The following GYPB variants were observed in gnomAD, a reference collection of about 807,000 sequenced individuals.
The protein encoded by GYPB is glycophorin B (MNS blood group), also known as glycophorin-B.
A neutral mutation model predicts 15.3 loss-of-function variants in GYPB; 13 were observed. That is an observed-to-expected ratio of 0.85 (90% CI 0.55 to 1.35). The LOEUF is 1.35. Ranked by LOEUF, GYPB falls within the 40% of genes most tolerant of loss-of-function variation. The pLI is 0.00. For missense variants in GYPB, 131 were observed against 108.3 expected (o/e 1.21, Z -0.93); for synonymous variants, 38 against 36.9 (o/e 1.03, Z -0.11).
At position 144,007,459 on chromosome 4, in the gene GYPB, T is replaced by G. The variant is rs567603009; in HGVS notation, c.38-6176A>C. ...CGAAGGTGTTGTGGCCTAGGAGGAC[T>G]GCAGCTTCCCTTCAGGAAGCCTGAA... is the stretch of plus-strand genomic sequence containing the variant. On this transcript the variant is annotated intron_variant, in intron 1 of 4. Coordinates refer to ENST00000502664, the MANE Select transcript of GYPB (RefSeq NM_002100.6). Among the ~76,000 whole-genome samples the G allele has an allele frequency of 8.3e-3, 1,254 of 150,500 alleles. 21 individuals are homozygous for G. The highest frequency in any genetic ancestry group is 0.03 in the African/African-American group (1,189 of 39,954).
At chr4:144,005,826 C>A (rs1282050423) in intron 1 of GYPB, among the ~76,000 whole-genome samples, 2 of 151,592 alleles carry the variant, frequency 1.3e-5, no homozygotes, top group Non-Finnish European at 2.9e-5. Flanking sequence ...TGCCTACTTG[C>A]AAATGTATCA....
chr4:144,001,969 A>AG (rs1491204665), intron 1 of GYPB, among the ~76,000 whole-genome samples: 1 of 17,718 alleles, frequency 5.6e-5, no homozygotes, highest in Non-Finnish European at 4.2e-4. Context: ...ATTCCGTTTC[A>AG]AAAAAAAAAA....
intron 3 of GYPB, among the ~76,000 whole-genome samples, chr4:143,998,288 C>A (rs1165097528): frequency 2.0e-5 from 3 of 151,336 alleles, no homozygotes; most frequent in East Asian, 3.9e-4. Context: ...CAATTGAAAT[C>A]AATTAAGTAA....
intron 1 of GYPB, among the ~76,000 whole-genome samples, chr4:144,010,173 T>G (rs542541974): frequency 6.6e-6 from 1 of 151,360 alleles, no homozygotes; most frequent in African/African-American, 2.5e-5. Flanking sequence ...ACTAAAAAAT[T>G]AAGTTGTAGT....
intron 3 of GYPB, 49 bp from the exon 4 acceptor site, chr4:143,997,683 G>C (rs775268577): frequency 1.1e-6 from 1 of 931,000 alleles, no homozygotes; most frequent in Non-Finnish European, 1.8e-6. Flanking sequence ...TGACCACATA[G>C]CAATAGAAAA....
intron 1 of GYPB, among the ~76,000 whole-genome samples, chr4:144,015,345 C>G (rs962178920): frequency 6.6e-6 from 1 of 151,008 alleles, no homozygotes; most frequent in Non-Finnish European, 1.5e-5. Flanking sequence ...CAGATAGGTA[C>G]TTACTAAAGA....
At chr4:144,012,995 C>A (rs1728296082) in intron 1 of GYPB, among the ~76,000 whole-genome samples, 1 of 151,464 alleles carries the variant, frequency 6.6e-6, no homozygotes, top group South Asian at 2.1e-4. Flanking sequence ...AGGACACTAT[C>A]AAAAGTAAAA....
chr4:144,005,846 C>A (rs1727883224), intron 1 of GYPB, among the ~76,000 whole-genome samples: 1 of 151,406 alleles, frequency 6.6e-6, no homozygotes, highest in Non-Finnish European at 1.5e-5. Flanking sequence ...ACTGGATGAA[C>A]CCTGAAGGAT....
intron 1 of GYPB, among the ~76,000 whole-genome samples, chr4:144,004,148 G>T (rs182843268): frequency 0.012 from 1,864 of 151,872 alleles, 129 homozygotes; most frequent in African/African-American, 0.043. Flanking sequence ...TAATTCACCA[G>T]AATCAGTTGC....
chr4:144,006,407 G>T (rs2149962653), intron 1 of GYPB, among the ~76,000 whole-genome samples: 1 of 152,074 alleles, frequency 6.6e-6, no homozygotes, highest in East Asian at 1.9e-4. Context: ...GGGGGCCCAA[G>T]ACATGTTAGG....
At position 143,997,535 on chromosome 4, in the gene GYPB, C is replaced by T. The variant is rs139511876; in HGVS notation, c.270+5G>A. 8.4e-5 allele frequency: 129 copies of T among 1,529,062 alleles called. No homozygotes were observed. The highest frequency in any genetic ancestry group is 2.0e-4 in the Admixed American group (12 of 59,820). 94.7% of individuals were successfully genotyped at this position (1,529,062 alleles called of 1,614,324 possible). A position where few individuals can be genotyped will look rare whatever the true frequency, so the allele number is the denominator to read the frequency against. ...TTAGAGCAAAATTAAAAACTGAATTCTCACCTTTATCAGTCGGCGAATACT... is the reference window on the plus strand; with the variant it reads ...TTAGAGCAAAATTAAAAACTGAATTTTCACCTTTATCAGTCGGCGAATACT... On this transcript the variant is annotated splice_donor_5th_base_variant and intron_variant, in intron 4 of 4. Transcript: ENST00000502664.
intron 1 of GYPB, among the ~76,000 whole-genome samples, chr4:144,014,560 T>A (rs1259596351): frequency 3.3e-5 from 5 of 151,434 alleles, no homozygotes; most frequent in Admixed American, 3.3e-4. Flanking sequence ...ATTCCATTTA[T>A]ATGAAATATC....
intron 1 of GYPB, among the ~76,000 whole-genome samples, chr4:144,001,770 T>G (rs1471956331): frequency 7.3e-5 from 11 of 150,952 alleles, no homozygotes; most frequent in African/African-American, 1.7e-4. Flanking sequence ...AGGTGGAAGC[T>G]CATAATAATT....
At chr4:143,995,759 A>G (rs927128335), downstream of GYPB, among the ~76,000 whole-genome samples, 4 of 151,380 alleles carry the variant, frequency 2.6e-5, no homozygotes, top group Admixed American at 6.6e-5. Flanking sequence ...CCTATCAAAA[A>G]TCTGGTTTTT....
At chr4:144,009,088 T>G (rs1182595947) in intron 1 of GYPB, among the ~76,000 whole-genome samples, 1 of 151,438 alleles carries the variant, frequency 6.6e-6, no homozygotes, top group Non-Finnish European at 1.5e-5. Flanking sequence ...TTTCCCTCAC[T>G]TCCAGTCTCC....
chr4:144,015,337 G>T (rs781653703), intron 1 of GYPB, among the ~76,000 whole-genome samples: 10 of 151,274 alleles, frequency 6.6e-5, no homozygotes, highest in Non-Finnish European at 1.5e-4. Context: ...AAACTACACA[G>T]ATAGGTACTT....
intron 1 of GYPB, among the ~76,000 whole-genome samples, chr4:144,005,409 A>G (rs1579056872): frequency 6.6e-6 from 1 of 151,974 alleles, no homozygotes; most frequent in Non-Finnish European, 1.5e-5. Flanking sequence ...AAGGACAACT[A>G]AATTCCTGAG....
intron 1 of GYPB, among the ~76,000 whole-genome samples, chr4:144,018,764 T>C (rs1042067137): frequency 1.3e-5 from 2 of 151,100 alleles, no homozygotes; most frequent in African/African-American, 4.9e-5. Context: ...ACTTTAGTAA[T>C]GGACCCACAG....
chr4:144,015,710 G>T (rs1333917783), intron 1 of GYPB, among the ~76,000 whole-genome samples: 1 of 151,176 alleles, frequency 6.6e-6, no homozygotes, highest in Non-Finnish European at 1.5e-5. Flanking sequence ...TTCACAGTGG[G>T]TGTCTGTTTC....
Sources: allele counts gnomAD v4.1 joint callset (sites outside exome capture counted in the v4.1 genomes callset), GRCh38; gene constraint gnomAD v4.1.1; transcripts MANE v1.5; gene names NCBI Gene and HGNC (gene_info 2026-07-23, HGNC 2026-07-21).